UGT2B10: variants seen among roughly 807,000 people sequenced by gnomAD.
UGT2B10 encodes UDP glucuronosyltransferase family 2 member B10.
A neutral mutation model predicts 43.7 loss-of-function variants in UGT2B10; 51 were observed. The ratio of observed to expected loss-of-function variants is 1.17; its 90% confidence interval spans 0.93 to 1.47. The LOEUF is 1.47. Among genes scored for constraint, UGT2B10 ranks in the 40% most tolerant of loss-of-function variants. The pLI is 0.00. For synonymous variants in UGT2B10, 225 were observed against 209.0 expected (o/e 1.08, Z -0.66); for missense variants, 696 against 617.7 (o/e 1.13, Z -1.34).
rs61749966 is a variant in UGT2B10, at chr4:68,816,130, T to C, written c.111T>C (p.Asn37=). 137,251 of 1,613,256 alleles carry C rather than the reference T, an allele frequency of 0.085. 6,576 individuals carry two copies. Among genetic ancestry groups the C allele is most frequent in the Non-Finnish European group, 0.098 (116,015 of 1,179,428 alleles). Reference sequence around the variant, plus strand: ...CCGCAGAATACAGCCTTTGGATGAATATGAAGACAATCCTGAAAGAACTTG... The same window carrying C: ...CCGCAGAATACAGCCTTTGGATGAACATGAAGACAATCCTGAAAGAACTTG... The part of the protein sequence containing the change: ...VWAAEYSLWM[N]MKTILKELVQ... Residue 37 remains asparagine, a synonymous_variant, in exon 1 of 6, where the codon AAT becomes AAC. Coordinates refer to ENST00000265403, the MANE Select transcript of UGT2B10 (RefSeq NM_001075.6).
chr4:68,822,370 A>T lies in UGT2B10; in HGVS notation c.967A>T (p.Ile323Phe). 6.2e-7 allele frequency: 1 copy of T among 1,613,830 alleles called. No individual in the cohort carries two copies. Among genetic ancestry groups the T allele is most frequent in the Non-Finnish European group, 8.5e-7 (1 of 1,179,832 alleles). The change falls in exon 3 of 6, where the codon ATT becomes TTT. Residue 323 changes from isoleucine to phenylalanine, a missense_variant. Transcript: ENST00000265403. ...SNMTEERANVIATALAKIPQK... is the reference protein window; with the variant it reads ...SNMTEERANVFATALAKIPQK... Reference sequence around the variant, plus strand: ...CATGACAGAAGAAAGGGCCAACGTAATTGCAACAGCCCTTGCCAAGATCCC... The same window carrying T: ...CATGACAGAAGAAAGGGCCAACGTATTTGCAACAGCCCTTGCCAAGATCCC...
intron 5 of UGT2B10, among the ~76,000 whole-genome samples, chr4:68,829,302 T>C (rs1222997432): frequency 6.6e-6 from 1 of 152,030 alleles, no homozygotes; most frequent in Non-Finnish European, 1.5e-5. Flanking sequence ...CCGGTTATTC[T>C]TTAGTTGGTG....
rs1261296406 is a variant in UGT2B10 at position 68,816,745 on chromosome 4, T to A, written c.718+8T>A. On this transcript the variant is annotated splice_region_variant and intron_variant, in intron 1 of 5. Transcript: ENST00000265403. The stretch of plus-strand genomic sequence containing the variant: ...TTTACAGTGAAGTTTTAGGTAAGAT[T>A]TTTTTCAATTAGTAACATGAAGCTC... 1.9e-6 allele frequency: 3 copies of A among 1,576,216 alleles called. No homozygotes were observed. Among genetic ancestry groups the A allele is most frequent in the African/African-American group, 2.7e-5 (2 of 73,312 alleles).
At position 68,831,605 on chromosome 4, in the gene UGT2B10, T is replaced by A. The variant is rs1738104255; in HGVS notation, c.*726T>A. ...TTGACTGAACAGCCCACAAGAAGAA[T>A]CACTTAATGCTCTGAAAATTACCAG... On this transcript the variant is annotated 3_prime_UTR_variant, in exon 6 of 6. Coordinates refer to ENST00000265403, the MANE Select transcript of UGT2B10 (RefSeq NM_001075.6). 6.6e-6 allele frequency among the ~76,000 whole-genome samples: 1 copy of A among 152,234 alleles called. No individual in the cohort carries two copies. The highest frequency in any genetic ancestry group is 2.4e-5 in the African/African-American group (1 of 41,582).
At chr4:68,823,885 G>A (rs1379130857) in intron 3 of UGT2B10, among the ~76,000 whole-genome samples, 1 of 152,058 alleles carries the variant, frequency 6.6e-6, no homozygotes, top group Non-Finnish European at 1.5e-5. Flanking sequence ...TTTAAGAAAT[G>A]TAGATGAAGT....
chr4:68,818,042 A>C lies in UGT2B10; in HGVS notation c.732A>C (p.Thr244=), dbSNP rs978924087. ...FYSEVLGRPT[T]LSETMRKADI... is the part of the protein sequence containing the mutation. The stretch of plus-strand genomic sequence containing the variant: ...TATTCCTATCAGGAAGACCCACTAC[A>C]TTATCTGAGACAATGAGGAAAGCTG... Residue 244 remains threonine, a synonymous_variant, in exon 2 of 6, where the codon ACA becomes ACC. Coordinates refer to ENST00000265403, the MANE Select transcript of UGT2B10 (RefSeq NM_001075.6). The C allele has an allele frequency of 3.7e-6, 6 of 1,609,688 alleles. No individual in the cohort carries two copies. The highest frequency in any genetic ancestry group is 2.2e-5 in the South Asian group (2 of 89,998).
In UGT2B10 at chr4:68,831,568, G is replaced by T. The variant is rs1247696304; in HGVS notation, c.*689G>T. Among the ~76,000 whole-genome samples, 2 of 152,034 alleles carry T rather than the reference G, an allele frequency of 1.3e-5. No homozygotes were observed. The highest frequency in any genetic ancestry group is 4.8e-5 in the African/African-American group (2 of 41,422). ...GTTGTTTGATTACATAAAATAAAGT[G>T]GAAATGAATGATTGACTGAACAGCC... On this transcript the variant is annotated 3_prime_UTR_variant, in exon 6 of 6. Transcript: ENST00000265403.
In UGT2B10 at chr4:68,831,877, G is replaced by A. The variant is rs762972498; in HGVS notation, c.*998G>A. Among the ~76,000 whole-genome samples, 8 of 151,838 alleles carry A rather than the reference G, an allele frequency of 5.3e-5. No individual in the cohort carries two copies. The highest frequency in any genetic ancestry group is 1.0e-4 in the Non-Finnish European group (7 of 67,946). On this transcript the variant is annotated 3_prime_UTR_variant, in exon 6 of 6. Coordinates refer to ENST00000265403, the MANE Select transcript of UGT2B10 (RefSeq NM_001075.6). Reference sequence around the variant, plus strand: ...GCAAAGTTCACCTTACCTGACTAAGGATTATTCATTAAGTTTTACTTGTTT... The same window carrying A: ...GCAAAGTTCACCTTACCTGACTAAGAATTATTCATTAAGTTTTACTTGTTT...
At chr4:68,817,936 C>T (rs567105903) in intron 1 of UGT2B10, 93 bp from the exon 2 acceptor site, 2 of 1,454,444 alleles carry the variant, frequency 1.4e-6, no homozygotes, top group African/African-American at 2.9e-5. Context: ...ACTTTACCAA[C>T]ATTTTTGCCT....
In UGT2B10 at chr4:68,816,082, T is replaced by C. The variant is rs1003436381; in HGVS notation, c.63T>C (p.Ser21=). 16 of 1,612,904 alleles carry C rather than the reference T, an allele frequency of 9.9e-6. No homozygotes were observed. Among genetic ancestry groups the C allele is most frequent in the Non-Finnish European group, 1.3e-5 (15 of 1,179,300 alleles). ...IQLSFYFSSG[S]CGKVLVWAAE... Reference sequence around the variant, plus strand: ...TCAGTTTTTACTTTAGCTCTGGGAGTTGTGGAAAGGTGCTGGTATGGGCCG... The same window carrying C: ...TCAGTTTTTACTTTAGCTCTGGGAGCTGTGGAAAGGTGCTGGTATGGGCCG... Residue 21 remains serine, a synonymous_variant, in exon 1 of 6, where the codon AGT becomes AGC. Coordinates refer to ENST00000265403, the MANE Select transcript of UGT2B10 (RefSeq NM_001075.6).
intron 2 of UGT2B10, among the ~76,000 whole-genome samples, chr4:68,820,385 G>A (rs1737433712): frequency 6.6e-6 from 1 of 151,906 alleles, no homozygotes. Context: ...TGTATCAGGT[G>A]TTTTAAAAAT....
At chr4:68,830,574 T>A (rs1308053196) in intron 5 of UGT2B10, 26 bp from the exon 6 acceptor site, 1 of 1,590,270 alleles carries the variant, frequency 6.3e-7, no homozygotes, top group Non-Finnish European at 8.6e-7. Context: ...ACTTTCAGTG[T>A]CGGTATCTTT....
chr4:68,822,361 G>A lies in UGT2B10; in HGVS notation c.958G>A (p.Ala320Thr), dbSNP rs781894913. The change falls in exon 3 of 6, where the codon GCC becomes ACC. Residue 320 changes from alanine to threonine, a missense_variant. Physicochemically the swap from Ala to Thr is moderately conservative, Grantham distance 58 (BLOSUM62 0). Coordinates refer to ENST00000265403, the MANE Select transcript of UGT2B10 (RefSeq NM_001075.6). ...GGTCAGTAACATGACAGAAGAAAGG[G>A]CCAACGTAATTGCAACAGCCCTTGC... ...SMVSNMTEER[A>T]NVIATALAKI... 11 of 1,613,602 alleles carry A rather than the reference G, an allele frequency of 6.8e-6. No individual in the cohort carries two copies. In the Admixed American group the frequency reaches 1.5e-4, roughly 22 times the overall value.
chr4:68,817,079 A>G (rs1198915698), intron 1 of UGT2B10, among the ~76,000 whole-genome samples: 1 of 151,848 alleles, frequency 6.6e-6, no homozygotes, highest in African/African-American at 2.4e-5. Context: ...AACCGAATGC[A>G]TAGATTTAGA....
chr4:68,819,801 T>G (rs1034187485), intron 2 of UGT2B10, among the ~76,000 whole-genome samples: 1 of 152,066 alleles, frequency 6.6e-6, no homozygotes, highest in Non-Finnish European at 1.5e-5. Flanking sequence ...GCATATAAGA[T>G]TATATTCTTT....
In UGT2B10 at chr4:68,816,023, G is replaced by A. The variant is rs115244875; in HGVS notation, c.4G>A (p.Ala2Thr). Residue 2 changes from alanine (A) to threonine (T), a missense_variant, in exon 1 of 6, where the codon GCT becomes ACT. Coordinates refer to ENST00000265403, the MANE Select transcript of UGT2B10 (RefSeq NM_001075.6). Reference sequence around the variant, plus strand: ...AGAATTATCACATTGCACAAGGATGGCTCTGAAATGGACTACAGTTCTGCT... The same window carrying A: ...AGAATTATCACATTGCACAAGGATGACTCTGAAATGGACTACAGTTCTGCT... MALKWTTVLLIQ... is the reference protein window; with the variant it reads MTLKWTTVLLIQ... 2.2e-3 allele frequency: 3,501 copies of A among 1,612,502 alleles called. 59 individuals carry two copies. In the African/African-American group the frequency reaches 0.042, roughly 19 times the overall value.
At chr4:68,827,732 C>A (rs1737872189) in intron 5 of UGT2B10, among the ~76,000 whole-genome samples, 184 bp downstream of exon 5, 1 of 151,740 alleles carries the variant, frequency 6.6e-6, no homozygotes, top group East Asian at 1.9e-4. Context: ...CCCCATACAT[C>A]TAATGAGTAA....
Position 68,818,126 on chromosome 4 carries a change from T to G in UGT2B10, c.816T>G (p.Asn272Lys). The G allele has an allele frequency of 6.2e-7, 1 of 1,611,756 alleles. No homozygotes were observed. The highest frequency in any genetic ancestry group is 8.5e-7 in the Non-Finnish European group (1 of 1,178,522). ...NFKFPHPFLP[N>K]VDFVGGLHCK... ...AATTTCCTCATCCATTCTTACCAAATGTTGATTTTGTTGGAGGACTCCACT... is the reference window on the plus strand; with the variant it reads ...AATTTCCTCATCCATTCTTACCAAAGGTTGATTTTGTTGGAGGACTCCACT... The change falls in exon 2 of 6, where the codon AAT becomes AAG. Residue 272 changes from asparagine (N) to lysine (K), a missense_variant. Asn to Lys is a moderately conservative substitution (Grantham distance 94, BLOSUM62 0). Coordinates refer to ENST00000265403, the MANE Select transcript of UGT2B10 (RefSeq NM_001075.6).
At chr4:68,828,422 T>C (rs1038170386) in intron 5 of UGT2B10, among the ~76,000 whole-genome samples, 1 of 151,832 alleles carries the variant, frequency 6.6e-6, no homozygotes, top group Non-Finnish European at 1.5e-5. Context: ...TCTAAAGAAA[T>C]ACTCTAAAAA....
Sources: allele counts gnomAD v4.1 joint callset (sites outside exome capture counted in the v4.1 genomes callset), GRCh38; gene constraint gnomAD v4.1.1; transcripts MANE v1.5; gene names NCBI Gene and HGNC (gene_info 2026-07-23, HGNC 2026-07-21).